The following PLEKHA5 variants were observed in gnomAD, a reference collection of about 807,000 sequenced individuals.
PLEKHA5 encodes the protein pleckstrin homology domain-containing family A member 5.
A neutral mutation model predicts 181.9 loss-of-function variants in PLEKHA5; 55 were observed. The ratio of observed to expected loss-of-function variants is 0.30; its 90% CI spans 0.24 to 0.38. The LOEUF is 0.38. Ranked by LOEUF, PLEKHA5 falls within the 10% of genes least tolerant of loss-of-function variation. PLEKHA5 has a pLI of 1.00. For synonymous variants in PLEKHA5, 535 were observed against 529.4 expected (o/e 1.01, Z -0.15); for missense variants, 1,432 against 1,549.5 (o/e 0.92, Z 1.27).
At chr12:19,212,424 T>C (rs1262153626) in intron 3 of PLEKHA5, among the ~76,000 whole-genome samples, 3 of 152,240 alleles carry the variant, frequency 2.0e-5, no homozygotes, top group Non-Finnish European at 4.4e-5. Context: ...GGCCCACGCC[T>C]GTAATCCCAA....
At chr12:19,240,966 T>C (rs887040939) in intron 3 of PLEKHA5, among the ~76,000 whole-genome samples, 2 of 152,156 alleles carry the variant, frequency 1.3e-5, no homozygotes, top group Non-Finnish European at 2.9e-5. Flanking sequence ...TTTATTCTGT[T>C]ATGTGGCTTT....
intron 3 of PLEKHA5, among the ~76,000 whole-genome samples, chr12:19,198,820 T>C (rs2053549331): frequency 6.6e-6 from 1 of 152,228 alleles, no homozygotes; most frequent in South Asian, 2.1e-4. Context: ...TTCTGTCTTT[T>C]AGCAGAATGC....
intron 3 of PLEKHA5, among the ~76,000 whole-genome samples, chr12:19,196,819 T>C (rs528208440): frequency 3.0e-4 from 44 of 148,626 alleles, no homozygotes; most frequent in Admixed American, 1.3e-3. Context: ...TTTCTTTTTT[T>C]TTTTTTTTTA....
At chr12:19,191,829 G>C (rs2051199815) in intron 3 of PLEKHA5, among the ~76,000 whole-genome samples, 1 of 152,148 alleles carries the variant, frequency 6.6e-6, no homozygotes, top group Non-Finnish European at 1.5e-5. Flanking sequence ...TGGTTTCTCT[G>C]CATAAGGCTG....
chr12:19,320,375 TATC>T (rs2090332494), intron 17 of PLEKHA5, among the ~76,000 whole-genome samples, 184 bp from the exon 18 acceptor site: 2 of 152,276 alleles, frequency 1.3e-5, no homozygotes, highest in South Asian at 4.1e-4. Flanking sequence ...TTGCATATTA[TATC>T]ACTGTTAAGT....
chr12:19,347,264 T>A (rs2094381353), intron 24 of PLEKHA5, 82 bp downstream of exon 24: 1 of 699,240 alleles, frequency 1.4e-6, no homozygotes, highest in Non-Finnish European at 2.2e-6. Context: ...ACACTCAAAC[T>A]TTTTTTTTAT....
chr12:19,159,848 T>A (rs370613552), intron 3 of PLEKHA5, among the ~76,000 whole-genome samples: 2 of 152,264 alleles, frequency 1.3e-5, no homozygotes, highest in South Asian at 2.1e-4. Flanking sequence ...TAGGAATGCA[T>A]CAGTGAATTC....
chr12:19,229,319 G>T (rs1335147652), intron 3 of PLEKHA5, among the ~76,000 whole-genome samples: 1 of 152,104 alleles, frequency 6.6e-6, no homozygotes, highest in Non-Finnish European at 1.5e-5. Flanking sequence ...ATGAAGCCGC[G>T]GACCCTTGCG....
intron 26 of PLEKHA5, 141 bp downstream of exon 26, chr12:19,354,143 CTT>C (rs750923063): frequency 3.1e-3 from 229 of 74,838 alleles, no homozygotes; most frequent in East Asian, 0.027. Context: ...ATTCTTTATT[CTT>C]TTTTTTTTTT....
At chr12:19,158,534 C>T (rs907773461) in intron 3 of PLEKHA5, among the ~76,000 whole-genome samples, 13 of 151,838 alleles carry the variant, frequency 8.6e-5, no homozygotes, top group Non-Finnish European at 1.3e-4. Flanking sequence ...TTTTCAGGTT[C>T]TGAGCTTCCA....
chr12:19,146,216 A>G (rs1438485286), intron 3 of PLEKHA5, among the ~76,000 whole-genome samples: 1 of 152,206 alleles, frequency 6.6e-6, no homozygotes, highest in Non-Finnish European at 1.5e-5. Context: ...GTGTTACTGT[A>G]CTTAAGTTTT....
intron 28 of PLEKHA5, 150 bp from the exon 29 acceptor site, chr12:19,361,432 C>T (rs557703390): frequency 3.7e-6 from 2 of 534,758 alleles, no homozygotes; most frequent in South Asian, 2.3e-5. Context: ...ATCCGCCCTT[C>T]TCGGCCTCCC....
At chr12:19,361,095 A>G (rs752748782) in intron 28 of PLEKHA5, among the ~76,000 whole-genome samples, 1 of 152,182 alleles carries the variant, frequency 6.6e-6, no homozygotes, top group South Asian at 2.1e-4. Flanking sequence ...GCATCCTAGT[A>G]GTAAAGAATG....
intron 3 of PLEKHA5, among the ~76,000 whole-genome samples, chr12:19,217,223 C>T (rs2058130614): frequency 6.6e-6 from 1 of 152,138 alleles, no homozygotes; most frequent in South Asian, 2.1e-4. Context: ...TAAACACCTA[C>T]TATGTGTTAA....
At chr12:19,157,271 AAAC>A (rs973931515) in intron 3 of PLEKHA5, among the ~76,000 whole-genome samples, 15 of 152,200 alleles carry the variant, frequency 9.9e-5, no homozygotes, top group Non-Finnish European at 1.9e-4. Flanking sequence ...AGATGAAATT[AAAC>A]AAATACTTTA....
chr12:19,236,356 A>G (rs2061406133), intron 3 of PLEKHA5, among the ~76,000 whole-genome samples: 1 of 152,164 alleles, frequency 6.6e-6, no homozygotes. Context: ...TTACTTCAGT[A>G]AAATGGAGAT....
intron 20 of PLEKHA5, among the ~76,000 whole-genome samples, chr12:19,336,037 G>A (rs950159387): frequency 6.6e-6 from 1 of 152,134 alleles, no homozygotes; most frequent in Non-Finnish European, 1.5e-5. Context: ...TGGTTTGGGG[G>A]TGATTTTTTT....
At chr12:19,259,372 A>G (rs1029140811) in intron 6 of PLEKHA5, among the ~76,000 whole-genome samples, 1 of 152,040 alleles carries the variant, frequency 6.6e-6, no homozygotes, top group Non-Finnish European at 1.5e-5. Context: ...GTCTCCAAAA[A>G]AAAAAGTGTT....
chr12:19,323,505 A>G (rs1183139250), intron 20 of PLEKHA5, among the ~76,000 whole-genome samples: 2 of 151,812 alleles, frequency 1.3e-5, no homozygotes, highest in African/African-American at 4.8e-5. Flanking sequence ...CTCTGTCTCA[A>G]TCAATCAATC....
Sources: allele counts gnomAD v4.1 joint callset (sites outside exome capture counted in the v4.1 genomes callset), GRCh38; gene constraint gnomAD v4.1.1; transcripts MANE v1.5; gene names NCBI Gene and HGNC (gene_info 2026-07-23, HGNC 2026-07-21).